CCDC126: variants seen among roughly 807,000 people sequenced by gnomAD.
CCDC126 encodes coiled-coil domain containing 126.
Under a neutral mutation model 11.7 loss-of-function variants are expected in CCDC126, and 5 were observed. The ratio of observed to expected loss-of-function variants is 0.43; its 90% CI spans 0.22 to 0.90. The LOEUF (loss-of-function observed/expected upper bound fraction) is 0.90. Among genes scored for constraint, CCDC126 ranks in the 40% least tolerant of loss-of-function variants. The pLI is 0.27. For missense variants in CCDC126, 150 were observed against 163.1 expected, an observed-to-expected ratio of 0.92 and a Z score of 0.44; for synonymous variants, 60 against 61.9, an observed-to-expected ratio of 0.97 and a Z score of 0.14.
In CCDC126 at chr7:23,600,344, T is replaced by C. The variant is rs529915636; in HGVS notation, c.-146+2293T>C. Among the ~76,000 whole-genome samples the C allele has an allele frequency of 2.4e-3, 358 of 151,442 alleles. 2 individuals carry two copies. The highest frequency in any genetic ancestry group is 8.3e-3 in the African/African-American group (343 of 41,148). The stretch of plus-strand genomic sequence containing the variant: ...AGTGCATTTTAAATCTTAGACCTTA[T>C]TATGGAGCGAATGGCTGTGTTCTGT... On this transcript the variant is annotated intron_variant, in intron 2 of 3. Coordinates refer to ENST00000307471, the MANE Select transcript of CCDC126 (RefSeq NM_138771.4).
At chr7:23,641,370 A>G (rs527438909) in intron 3 of CCDC126, among the ~76,000 whole-genome samples, 1 of 152,104 alleles carries the variant, frequency 6.6e-6, no homozygotes. Context: ...TTTGTTCGTG[A>G]ATTGTAAGAG....
rs1256238820 is a variant in CCDC126 at position 23,643,235 on chromosome 7, C to A, written c.*120C>A. 3.5e-6 allele frequency: 3 copies of A among 860,314 alleles called. No homozygotes were observed. The highest frequency in any genetic ancestry group is 5.3e-6 in the Non-Finnish European group (3 of 571,102). 53.3% of individuals were successfully genotyped at this position (860,314 alleles called of 1,614,324 possible). A position where few individuals can be genotyped will look rare whatever the true frequency, so the allele number is the denominator to read the frequency against. On this transcript the variant is annotated 3_prime_UTR_variant, in exon 4 of 4. Transcript: ENST00000307471. ...TTACAATAAAAGCTCTACACATTTT[C>A]AAGGAGTATGCTGGATTCATGGAAC...
At chr7:23,604,959 C>G (rs533616661) in intron 2 of CCDC126, among the ~76,000 whole-genome samples, 1 of 149,076 alleles carries the variant, frequency 6.7e-6, no homozygotes, top group Non-Finnish European at 1.5e-5. Flanking sequence ...GATTGAGCCA[C>G]TGCACTCCAG....
In CCDC126 at chr7:23,608,283, G is replaced by A. The variant is rs139966349; in HGVS notation, c.-145-2888G>A. 5.9e-3 allele frequency among the ~76,000 whole-genome samples: 899 copies of A among 152,210 alleles called. 13 individuals are homozygous for A. The highest frequency in any genetic ancestry group is 0.021 in the African/African-American group (854 of 41,524). ...GGAAGAAATGCTTGTAGGTTGTTTC[G>A]TTGGAACTGCAGAATGGAGAGGCAG... On this transcript the variant is annotated intron_variant, in intron 2 of 3. Coordinates refer to ENST00000307471, the MANE Select transcript of CCDC126 (RefSeq NM_138771.4).
At chr7:23,635,248 C>G (rs1783189900) in intron 3 of CCDC126, among the ~76,000 whole-genome samples, 1 of 152,176 alleles carries the variant, frequency 6.6e-6, no homozygotes, top group Admixed American at 6.5e-5. Flanking sequence ...TGTCGAGTGT[C>G]TACTGTGTGA....
At chr7:23,636,429 C>G (rs534203298) in intron 3 of CCDC126, among the ~76,000 whole-genome samples, 21 of 150,734 alleles carry the variant, frequency 1.4e-4, no homozygotes, top group Middle Eastern at 3.4e-3. Flanking sequence ...CGCCTCTTCG[C>G]CGCCGCCATC....
rs1783393656 is a variant in CCDC126, at chr7:23,643,088, A to G, written c.396A>G (p.Arg132=). ...TGGTGCCAGTAACCACAAATAAAAG[A>G]ACGAATGTCTCGGGCAGTATCAGAT... ...GNLVPVTTNK[R]TNVSGSIR Residue 132 remains arginine, a synonymous_variant, in exon 4 of 4, where the codon AGA becomes AGG. Coordinates refer to ENST00000307471, the MANE Select transcript of CCDC126 (RefSeq NM_138771.4). The G allele has an allele frequency of 6.2e-7, 1 of 1,614,028 alleles. No homozygotes were observed. Among genetic ancestry groups the G allele is most frequent in the Admixed American group, 1.7e-5 (1 of 59,988 alleles).
intron 2 of CCDC126, among the ~76,000 whole-genome samples, chr7:23,610,639 C>T (rs1331489303): frequency 6.6e-6 from 1 of 152,178 alleles, no homozygotes. Context: ...TTGGATGCTT[C>T]CTAAGGTTAC....
At chr7:23,599,128 T>C (rs1050600677) in intron 2 of CCDC126, among the ~76,000 whole-genome samples, 1 of 152,232 alleles carries the variant, frequency 6.6e-6, no homozygotes, top group Non-Finnish European at 1.5e-5. Flanking sequence ...CAGCCAGTTA[T>C]CACTCTCTCA....
At chr7:23,605,988 T>TG (rs1562828734) in intron 2 of CCDC126, among the ~76,000 whole-genome samples, 1 of 151,446 alleles carries the variant, frequency 6.6e-6, no homozygotes, top group African/African-American at 2.4e-5. Context: ...TTCTGTTTTT[T>TG]TTTGTGTGTG....
In CCDC126 at chr7:23,614,325, C is replaced by T. The variant is rs113688442; in HGVS notation, c.238+2772C>T. On this transcript the variant is annotated intron_variant, in intron 3 of 3. Transcript: ENST00000307471. Reference sequence around the variant, plus strand: ...CAAAAAACTACTTTCTTTGCTCTTCCGTAAGAGCAGCTCCTCATCTGTTCA... The same window carrying T: ...CAAAAAACTACTTTCTTTGCTCTTCTGTAAGAGCAGCTCCTCATCTGTTCA... Among the ~76,000 whole-genome samples the T allele has an allele frequency of 2.2e-4, 33 of 152,238 alleles. 2 individuals carry two copies. The highest frequency in any genetic ancestry group is 7.7e-4 in the East Asian group (4 of 5,186).
intron 3 of CCDC126, chr7:23,622,648 G>A (rs574335429): frequency 5.8e-5 from 31 of 535,076 alleles, no homozygotes; most frequent in Non-Finnish European, 8.0e-5. Flanking sequence ...GGTTTGTACT[G>A]TGTACACACA....
chr7:23,612,995 C>G (rs569624435), intron 3 of CCDC126, among the ~76,000 whole-genome samples: 48 of 152,138 alleles, frequency 3.2e-4, no homozygotes, highest in Admixed American at 1.6e-3. Context: ...GACATTTTCT[C>G]TATTTCAGTT....
intron 3 of CCDC126, among the ~76,000 whole-genome samples, chr7:23,641,218 G>A (rs1380989919): frequency 6.6e-6 from 1 of 151,974 alleles, no homozygotes; most frequent in African/African-American, 2.4e-5. Flanking sequence ...GTGTGAAATG[G>A]TATCTCATTG....
At chr7:23,622,434 T>C in intron 3 of CCDC126, 1 of 369,590 alleles carries the variant, frequency 2.7e-6, no homozygotes, top group South Asian at 2.1e-5. Flanking sequence ...ATCTCTCCTT[T>C]ATCATTTTTT....
chr7:23,599,402 G>A (rs947575230), intron 2 of CCDC126, among the ~76,000 whole-genome samples: 1 of 152,162 alleles, frequency 6.6e-6, no homozygotes, highest in Non-Finnish European at 1.5e-5. Flanking sequence ...GGGACATGTG[G>A]CACAAAACAT....
intron 3 of CCDC126, among the ~76,000 whole-genome samples, chr7:23,621,441 C>A (rs1040472562): frequency 1.3e-5 from 2 of 152,224 alleles, no homozygotes; most frequent in Non-Finnish European, 2.9e-5. Context: ...TATCCTGAGA[C>A]TTTGCTGAAG....
rs1219210145 is a variant in CCDC126, at chr7:23,643,020, A to T, written c.328A>T (p.Asn110Tyr). ...GAACAAAGTTGACTATATTGTTGTG[A>T]ATGGCTCAGCAGCCAACACCACCAA... is the stretch of plus-strand genomic sequence containing the variant. ...LENKVDYIVV[N>Y]GSAANTTNGT... Residue 110 changes from asparagine to tyrosine, a missense_variant, in exon 4 of 4, where the codon AAT becomes TAT. Asn to Tyr is a moderately radical substitution (Grantham distance 143). Coordinates refer to ENST00000307471, the MANE Select transcript of CCDC126 (RefSeq NM_138771.4). 6 of 1,614,144 alleles carry T rather than the reference A, an allele frequency of 3.7e-6. No homozygotes were observed. Among genetic ancestry groups the T allele is most frequent in the Non-Finnish European group, 5.1e-6 (6 of 1,179,974 alleles).
chr7:23,641,680 G>T (rs1783358326), intron 3 of CCDC126, among the ~76,000 whole-genome samples: 1 of 152,188 alleles, frequency 6.6e-6, no homozygotes, highest in Non-Finnish European at 1.5e-5. Context: ...GTCACTAACT[G>T]AGTACCTAAT....
Sources: gnomAD v4.1 joint callset for allele counts (sites outside exome capture counted in the v4.1 genomes callset) on GRCh38, gnomAD v4.1.1 for gene constraint, MANE v1.5 for transcripts, NCBI Gene and HGNC (gene_info 2026-07-23, HGNC 2026-07-21) for gene names.